ZNF414: variants seen among roughly 807,000 people sequenced by gnomAD.
ZNF414 encodes zinc finger protein 414.
Under a neutral mutation model 38.3 loss-of-function variants are expected in ZNF414, and 32 were observed. The observed-to-expected ratio is 0.83, with a 90% CI of 0.63 to 1.12. ZNF414 has a LOEUF of 1.12. Among genes scored for constraint, ZNF414 ranks in the 50% most tolerant of loss-of-function variants. The probability of loss-of-function intolerance (pLI) is 0.00; values close to 1 mark genes in which losing one functional copy is unlikely to be tolerated. For missense variants in ZNF414, 589 were observed against 557.4 expected (o/e 1.06, Z -0.57); for synonymous variants, 256 against 248.0 (o/e 1.03, Z -0.30).
In ZNF414 at chr19:8,511,975, A is replaced by AGGGCT. The variant is rs757386440; in HGVS notation, c.531-20_531-16dup. 611 of 1,404,142 alleles carry AGGGCT rather than the reference A, an allele frequency of 4.4e-4. 1 individual carries two copies. Among genetic ancestry groups the AGGGCT allele is most frequent in the Non-Finnish European group, 5.3e-4 (572 of 1,087,120 alleles). The allele number at this position is 1,404,142 out of a possible 1,614,324, so 87.0% of individuals were successfully genotyped here. On this transcript the variant is annotated splice_polypyrimidine_tract_variant and intron_variant, in intron 4 of 7. Coordinates refer to ENST00000393927, the MANE Select transcript of ZNF414 (RefSeq NM_001146175.2). ...AGTTCTCACACCTGGAGGTGGGCAG[A>AGGGCT]GGGCTGGGCTGGGCTGGGCCTCCAG... is the stretch of plus-strand genomic sequence containing the variant.
intron 4 of ZNF414, 47 bp from the exon 5 acceptor site, chr19:8,512,007 C>T: frequency 7.2e-7 from 1 of 1,388,570 alleles, no homozygotes; most frequent in Non-Finnish European, 9.3e-7. Context: ...CCAGGGGCAC[C>T]AGGGAGAGTG....
chr19:8,513,361 G>A lies in ZNF414; in HGVS notation c.4-20C>T. 6.4e-7 allele frequency: 1 copy of A among 1,555,614 alleles called. No homozygotes were observed. The highest frequency in any genetic ancestry group is 2.3e-5 in the East Asian group (1 of 42,822). On this transcript the variant is annotated intron_variant, in intron 1 of 7. Transcript: ENST00000393927. Reference sequence around the variant, plus strand: ...CTCCTCCTGGTGGAAGGAAGAGGCGGAGAGAACCCTTCTGGGCTCTGGGTC... The same window carrying A: ...CTCCTCCTGGTGGAAGGAAGAGGCGAAGAGAACCCTTCTGGGCTCTGGGTC...
chr19:8,511,743 T>TG lies in ZNF414; in HGVS notation c.747dup (p.Thr250HisfsTer177). ...TTCAAGTAGGGCAGGAACGGTCCGG[T>TG]GGGGGCAGGGGCGGGGGTCGTGAAG... On this transcript the variant is annotated frameshift_variant, in exon 5 of 8. Coordinates refer to ENST00000393927, the MANE Select transcript of ZNF414 (RefSeq NM_001146175.2). LOFTEE classifies it high-confidence loss of function. 6.9e-7 allele frequency: 1 copy of TG among 1,452,344 alleles called. No homozygotes were observed. The allele number at this position is 1,452,344 out of a possible 1,614,324, so 90.0% of individuals were successfully genotyped here. A position where few individuals can be genotyped will look rare whatever the true frequency, so the allele number is the denominator to read the frequency against.
chr19:8,511,998 C>T (rs1599891394), intron 4 of ZNF414, 38 bp from the exon 5 acceptor site: 1 of 1,396,168 alleles, frequency 7.2e-7, no homozygotes, highest in Non-Finnish European at 9.2e-7. Context: ...GCTGGGCCTC[C>T]AGGGGCACCA....
At chr19:8,511,232 CCA>C in intron 6 of ZNF414, 12 of 1,354,692 alleles carry the variant, frequency 8.9e-6, no homozygotes, top group Non-Finnish European at 1.0e-5. Flanking sequence ...ACTATCATCC[CCA>C]GATTCACTGT....
intron 1 of ZNF414, 72 bp downstream of exon 1, chr19:8,513,972 T>C (rs1971954881): frequency 1.5e-6 from 2 of 1,357,054 alleles, no homozygotes; most frequent in Non-Finnish European, 1.9e-6. Context: ...CCGGAGGCTG[T>C]AGGCGCGACA....
At chr19:8,513,916 T>A in intron 1 of ZNF414, 128 bp downstream of exon 1, 1 of 1,174,468 alleles carries the variant, frequency 8.5e-7, no homozygotes, top group Non-Finnish European at 1.1e-6. Flanking sequence ...GCTCTCCGAG[T>A]GACAGCCAGC....
chr19:8,513,148 T>A lies in ZNF414; in HGVS notation c.197A>T (p.Gln66Leu). 1 of 1,545,510 alleles carries A rather than the reference T, an allele frequency of 6.5e-7. No individual in the cohort carries two copies. ...GCTGTCTGGGGCTGGGGAGGAGCCC[T>A]GCTGCATCCCTCCAGCCCCTCCACG... ...WERGGAGGMQ[Q>L]GSSPAPDSCQ... The change falls in exon 2 of 8, where the codon CAG (glutamine) becomes CTG (leucine). Residue 66 changes from glutamine (Q) to leucine (L), a missense_variant. By Grantham distance (113) the Gln-to-Leu change is moderately radical. Transcript: ENST00000393927.
In ZNF414 at chr19:8,512,882, T is replaced by C. The variant is rs1051243739; in HGVS notation, c.316+147A>G. 13 of 1,228,638 alleles carry C rather than the reference T, an allele frequency of 1.1e-5. No individual in the cohort carries two copies. The African/African-American group carries it at 1.1e-4, about 10-fold the overall frequency. 76.1% of individuals were successfully genotyped at this position (1,228,638 alleles called of 1,614,324 possible). The stretch of plus-strand genomic sequence containing the variant: ...GGGGCTGGACTGGCCAGGCTCACCA[T>C]TGGAGCCACAGCCTGGCATCCACCG... On this transcript the variant is annotated intron_variant, in intron 2 of 7. Coordinates refer to ENST00000393927, the MANE Select transcript of ZNF414 (RefSeq NM_001146175.2).
intron 2 of ZNF414, 114 bp downstream of exon 2, chr19:8,512,915 C>G: frequency 7.5e-7 from 1 of 1,336,806 alleles, no homozygotes; most frequent in Non-Finnish European, 9.8e-7. Context: ...CCGGCTGCTC[C>G]GTAAAATGAT....
At chr19:8,512,563 C>T (rs200457383) in intron 3 of ZNF414, 41 bp downstream of exon 3, 11 of 1,603,076 alleles carry the variant, frequency 6.9e-6, no homozygotes, top group Middle Eastern at 1.7e-4. Context: ...CCGCCTGTTT[C>T]CCACCCTAAC....
In ZNF414 at chr19:8,509,985, G is replaced by A. The variant is rs111396456; in HGVS notation, c.*706C>T. 12,156 of 151,594 alleles carry A rather than the reference G, an allele frequency of 0.08. 1,639 individuals carry two copies. Among genetic ancestry groups the A allele is most frequent in the African/African-American group, 0.28 (11,443 of 41,412 alleles). 9.4% of individuals were successfully genotyped at this position (151,594 alleles called of 1,614,324 possible). A position where few individuals can be genotyped will look rare whatever the true frequency, so the allele number is the denominator to read the frequency against. On this transcript the variant is annotated 3_prime_UTR_variant, in exon 8 of 8. Transcript: ENST00000393927. ...CAGGCGTGAGCCACTGTGCCCGGCC[G>A]GGACTTCTTAAAAGAAAACTGGAGA...
chr19:8,512,700 G>C lies in ZNF414; in HGVS notation c.328C>G (p.Pro110Ala). 6.5e-7 allele frequency: 1 copy of C among 1,542,142 alleles called. No homozygotes were observed. Among genetic ancestry groups the C allele is most frequent in the East Asian group, 2.3e-5 (1 of 43,644 alleles). Residue 110 changes from proline to alanine, a missense_variant, in exon 3 of 8, where the codon CCT becomes GCT. Transcript: ENST00000393927. ...RRRPPPGKQI[P>A]CSSPGCCLSF... is the part of the protein sequence containing the mutation. Reference sequence around the variant, plus strand: ...AGGCAGCAGCCAGGGCTGGAGCAAGGGATTTGCTTCCCTGCAGGACGCACA... The same window carrying C: ...AGGCAGCAGCCAGGGCTGGAGCAAGCGATTTGCTTCCCTGCAGGACGCACA...
chr19:8,511,445 G>C, intron 6 of ZNF414, 41 bp downstream of exon 6: 1 of 1,604,266 alleles, frequency 6.2e-7, no homozygotes, highest in East Asian at 2.3e-5. Flanking sequence ...GCGCAGGAAA[G>C]AAAGCCCCTC....
In ZNF414 at chr19:8,511,500, G is replaced by C; in HGVS notation, c.911C>G (p.Ser304Cys). 1 of 1,610,160 alleles carries C rather than the reference G, an allele frequency of 6.2e-7. No homozygotes were observed. The highest frequency in any genetic ancestry group is 1.3e-5 in the African/African-American group (1 of 74,630). ...CCTGCACGCACCTGAGGGCGCGTCG[G>C]AGCCGCCCTGGGGTCTTCGGGGGCT... ...GSSPRRPQGG[S>C]DAPSGHAAPS... Residue 304 changes from serine (S) to cysteine (C), a missense_variant, in exon 6 of 8, where the codon TCC becomes TGC. By Grantham distance (112) the Ser-to-Cys change is moderately radical (BLOSUM62 -1). Coordinates refer to ENST00000393927, the MANE Select transcript of ZNF414 (RefSeq NM_001146175.2).
chr19:8,512,005 A>G, intron 4 of ZNF414, 45 bp from the exon 5 acceptor site: 1 of 1,387,690 alleles, frequency 7.2e-7, no homozygotes, highest in Non-Finnish European at 9.3e-7. Context: ...CTCCAGGGGC[A>G]CCAGGGAGAG....
In ZNF414 at chr19:8,510,578, T is replaced by C; in HGVS notation, c.*113A>G. ...ATGGACAAGGGATGGGAACACAGCA[T>C]AGGCTGGCTCATGGCGCCTTCTTTA... is the stretch of plus-strand genomic sequence containing the variant. On this transcript the variant is annotated 3_prime_UTR_variant, in exon 8 of 8. Coordinates refer to ENST00000393927, the MANE Select transcript of ZNF414 (RefSeq NM_001146175.2). 2 of 1,232,340 alleles carry C rather than the reference T, an allele frequency of 1.6e-6. No homozygotes were observed. The highest frequency in any genetic ancestry group is 2.4e-4 in the Middle Eastern group (1 of 4,112). 76.3% of individuals were successfully genotyped at this position (1,232,340 alleles called of 1,614,324 possible).
rs2967574 is a variant in ZNF414 at position 8,510,516 on chromosome 19, A to C, written c.*175T>G. ...AGGTGGTCCTCCCAAGATGTGATCA[A>C]TCCATGACTGCTGGGCTCGAGCCCA... On this transcript the variant is annotated 3_prime_UTR_variant, in exon 8 of 8. Transcript: ENST00000393927. The C allele has an allele frequency of 0.17, 119,049 of 682,620 alleles. 11,271 individuals are homozygous for C. The highest frequency in any genetic ancestry group is 0.28 in the African/African-American group (15,108 of 53,748). The allele number at this position is 682,620 out of a possible 1,614,324, so 42.3% of individuals were successfully genotyped here.
At position 8,512,708 on chromosome 19, in the gene ZNF414, T is replaced by G. The variant is rs1971935778; in HGVS notation, c.320A>C (p.Lys107Thr). The G allele has an allele frequency of 6.5e-7, 1 of 1,530,706 alleles. No individual in the cohort carries two copies. Among genetic ancestry groups the G allele is most frequent in the Non-Finnish European group, 8.8e-7 (1 of 1,139,372 alleles). The allele number at this position is 1,530,706 out of a possible 1,614,324, so 94.8% of individuals were successfully genotyped here. ...RPPRRRPPPG[K>T]QIPCSSPGCC... Reference sequence around the variant, plus strand: ...GCCAGGGCTGGAGCAAGGGATTTGCTTCCCTGCAGGACGCACAGAACAGTG... The same window carrying G: ...GCCAGGGCTGGAGCAAGGGATTTGCGTCCCTGCAGGACGCACAGAACAGTG... The change falls in exon 3 of 8, where the codon AAG (lysine) becomes ACG (threonine). Residue 107 changes from lysine (K) to threonine (T), a missense_variant. Lys to Thr is a moderately conservative substitution (Grantham distance 78). Coordinates refer to ENST00000393927, the MANE Select transcript of ZNF414 (RefSeq NM_001146175.2).
Sources: allele counts gnomAD v4.1 joint callset, GRCh38; gene constraint gnomAD v4.1.1; transcripts MANE v1.5; gene names NCBI Gene and HGNC (gene_info 2026-07-23, HGNC 2026-07-21).